LMBR1: variants seen among roughly 807,000 people sequenced by gnomAD.
LMBR1 encodes the protein limb region 1 protein homolog.
In LMBR1, 52 loss-of-function variants were observed where a neutral mutation model predicts 73.9. The observed-to-expected ratio is 0.70, with a 90% CI of 0.56 to 0.89. The LOEUF (loss-of-function observed/expected upper bound fraction) is 0.89. Ranked by LOEUF, LMBR1 falls within the 40% of genes least tolerant of loss-of-function variation. The pLI, the probability that LMBR1 is intolerant of heterozygous loss-of-function variation, is 0.00. For synonymous variants in LMBR1, 215 were observed against 209.4 expected (o/e 1.03, Z -0.23); for missense variants, 539 against 579.8 (o/e 0.93, Z 0.72).
At chr7:156,726,939 T>C (rs750992523) in intron 12 of LMBR1, among the ~76,000 whole-genome samples, 8 of 151,986 alleles carry the variant, frequency 5.3e-5, no homozygotes, top group Non-Finnish European at 1.2e-4. Flanking sequence ...ATCACACCCC[T>C]GTCTTCCAAT....
intron 4 of LMBR1, among the ~76,000 whole-genome samples, chr7:156,671,840 A>T (rs964070892): frequency 1.3e-5 from 2 of 151,858 alleles, no homozygotes; most frequent in South Asian, 2.1e-4. Context: ...CTAGAAATAA[A>T]TTTTTTTTAA....
chr7:156,693,425 A>G (rs1807641795), intron 15 of LMBR1, among the ~76,000 whole-genome samples: 1 of 152,140 alleles, frequency 6.6e-6, no homozygotes, highest in African/African-American at 2.4e-5. Flanking sequence ...TAACTCAAAG[A>G]GAAGTCAGAA....
chr7:156,746,763 T>C (rs1819927829), intron 9 of LMBR1, among the ~76,000 whole-genome samples: 1 of 152,162 alleles, frequency 6.6e-6, no homozygotes, highest in Admixed American at 6.5e-5. Context: ...TCATTATAAA[T>C]GACCAGAAGG....
intron 15 of LMBR1, among the ~76,000 whole-genome samples, chr7:156,705,043 C>T (rs951470178): frequency 6.6e-6 from 1 of 152,066 alleles, no homozygotes; most frequent in Non-Finnish European, 1.5e-5. Flanking sequence ...GTGAAAAGAT[C>T]CCAAGTATAG....
chr7:156,744,095 G>T (rs952024767), intron 9 of LMBR1, among the ~76,000 whole-genome samples: 1 of 152,070 alleles, frequency 6.6e-6, no homozygotes, highest in Non-Finnish European at 1.5e-5. Context: ...AAGAGACAGG[G>T]TCTCACTTTA....
chr7:156,811,533 C>T (rs549017969), intron 4 of LMBR1, among the ~76,000 whole-genome samples: 2 of 152,006 alleles, frequency 1.3e-5, no homozygotes, highest in Non-Finnish European at 2.9e-5. Flanking sequence ...CACCTAAACC[C>T]GGGAGGCGGA....
At chr7:156,756,534 C>T in intron 8 of LMBR1, 69 bp from the exon 9 acceptor site, 2 of 766,594 alleles carry the variant, frequency 2.6e-6, no homozygotes, top group Middle Eastern at 2.8e-4. Flanking sequence ...ACCATTTAGG[C>T]TATTTGGTCA....
At chr7:156,739,891 A>G (rs1818583428) in intron 9 of LMBR1, among the ~76,000 whole-genome samples, 1 of 151,440 alleles carries the variant, frequency 6.6e-6, no homozygotes, top group Non-Finnish European at 1.5e-5. Flanking sequence ...TGACCTCACC[A>G]AACAAACTAA....
intron 10 of LMBR1, among the ~76,000 whole-genome samples, chr7:156,732,689 G>A (rs969494072): frequency 4.6e-5 from 7 of 152,190 alleles, no homozygotes; most frequent in African/African-American, 1.4e-4. Context: ...ACATTGGATA[G>A]AATCTGTGGA....
At chr7:156,697,650 G>A (rs531826842) in intron 15 of LMBR1, among the ~76,000 whole-genome samples, 27 of 152,320 alleles carry the variant, frequency 1.8e-4, no homozygotes, top group African/African-American at 6.3e-4. Context: ...TCTGCAAGAA[G>A]AAAAACATGG....
chr7:156,757,852 T>G (rs139424351), intron 8 of LMBR1, among the ~76,000 whole-genome samples: 2,307 of 152,302 alleles, frequency 0.015, 27 homozygotes, highest in Non-Finnish European at 0.023. Flanking sequence ...ATCTTTACGG[T>G]CCCCTATGAC....
intron 15 of LMBR1, among the ~76,000 whole-genome samples, chr7:156,722,844 T>C (rs778879965): frequency 1.6e-4 from 25 of 152,266 alleles, no homozygotes; most frequent in African/African-American, 5.8e-4. Flanking sequence ...TTTTCTTCCA[T>C]AAAATCGGTA....
chr7:156,800,325 T>C (rs944514899), intron 4 of LMBR1, among the ~76,000 whole-genome samples: 1 of 152,084 alleles, frequency 6.6e-6, no homozygotes, highest in Middle Eastern at 3.2e-3. Context: ...CCAGTGCTCA[T>C]TCACCATTCC....
At chr7:156,770,346 G>A (rs924585669) in intron 5 of LMBR1, among the ~76,000 whole-genome samples, 5 of 151,884 alleles carry the variant, frequency 3.3e-5, no homozygotes, top group Admixed American at 2.6e-4. Context: ...AACTGCATCA[G>A]AACTACTGCA....
At chr7:156,676,536 CAT>C (rs1182903916), downstream of LMBR1, 32 of 1,614,200 alleles carry the variant, frequency 2.0e-5, no homozygotes, top group Non-Finnish European at 2.7e-5. Context: ...GTCCTGCTCA[CAT>C]GTGTTCCACC....
chr7:156,773,785 G>A (rs971754960), intron 5 of LMBR1, among the ~76,000 whole-genome samples: 2 of 152,066 alleles, frequency 1.3e-5, no homozygotes, highest in Admixed American at 6.5e-5. Flanking sequence ...TCTAAACAGA[G>A]GCCCTGGCAA....
intron 9 of LMBR1, among the ~76,000 whole-genome samples, chr7:156,745,857 T>C (rs1273899257): frequency 6.6e-6 from 1 of 152,212 alleles, no homozygotes; most frequent in African/African-American, 2.4e-5. Flanking sequence ...AAACGTTTTA[T>C]AGTGTTTTCA....
At chr7:156,862,129 A>C (rs1218745797) in intron 1 of LMBR1, among the ~76,000 whole-genome samples, 1 of 152,252 alleles carries the variant, frequency 6.6e-6, no homozygotes, top group South Asian at 2.1e-4. Context: ...AATTTACAAA[A>C]GAAAGAGTTT....
At chr7:156,752,398 T>C (rs920815747) in intron 9 of LMBR1, among the ~76,000 whole-genome samples, 1 of 152,176 alleles carries the variant, frequency 6.6e-6, no homozygotes, top group African/African-American at 2.4e-5. Flanking sequence ...ATGGAAAGGA[T>C]ACAGTTGGGG....
Sources: gnomAD v4.1 joint callset for allele counts (sites outside exome capture counted in the v4.1 genomes callset) on GRCh38, gnomAD v4.1.1 for gene constraint, MANE v1.5 for transcripts, NCBI Gene and HGNC (gene_info 2026-07-23, HGNC 2026-07-21) for gene names.